ABHD5: variants seen among roughly 807,000 people sequenced by gnomAD.
ABHD5 encodes 1-acylglycerol-3-phosphate O-acyltransferase ABHD5.
A neutral mutation model predicts 44.9 loss-of-function variants in ABHD5; 30 were observed. The observed-to-expected ratio is 0.67, with a 90% CI of 0.50 to 0.91. The LOEUF (loss-of-function observed/expected upper bound fraction) is 0.91. Ranked by LOEUF, ABHD5 falls within the 40% of genes least tolerant of loss-of-function variation. The pLI is 0.00. For missense variants in ABHD5, 399 were observed against 423.4 expected, an observed-to-expected ratio of 0.94 and a Z score of 0.50; for synonymous variants, 167 against 147.0, an observed-to-expected ratio of 1.14 and a Z score of -0.99.
chr3:43,719,269 T>G lies in ABHD5; in HGVS notation c.*737T>G, dbSNP rs192696923. The G allele has an allele frequency of 6.6e-6, 1 of 152,230 alleles. No homozygotes were observed. Among genetic ancestry groups the G allele is most frequent in the African/African-American group, 2.4e-5 (1 of 41,458 alleles). The allele number at this position is 152,230 out of a possible 1,614,324, so 9.4% of individuals were successfully genotyped here. On this transcript the variant is annotated 3_prime_UTR_variant, in exon 7 of 7. Coordinates refer to ENST00000644371, the MANE Select transcript of ABHD5 (RefSeq NM_016006.6). Reference sequence around the variant, plus strand: ...TCCAAGGAACATGACTTCAATACTTTCAGTGATTCAGGTACTGAAAAGCCT... The same window carrying G: ...TCCAAGGAACATGACTTCAATACTTGCAGTGATTCAGGTACTGAAAAGCCT...
At position 43,722,202 on chromosome 3, in the gene ABHD5, G is replaced by A. The variant is rs977085859; in HGVS notation, c.*3670G>A. The A allele has an allele frequency of 6.6e-6, 1 of 152,248 alleles. No individual in the cohort carries two copies. The highest frequency in any genetic ancestry group is 6.5e-5 in the Admixed American group (1 of 15,290). 9.4% of individuals were successfully genotyped at this position (152,248 alleles called of 1,614,324 possible). Reference sequence around the variant, plus strand: ...GCCAAATCTCCATTGATAGGGAATTGATGGAAGGAACTAGGGTATATCTAT... The same window carrying A: ...GCCAAATCTCCATTGATAGGGAATTAATGGAAGGAACTAGGGTATATCTAT... On this transcript the variant is annotated 3_prime_UTR_variant, in exon 7 of 7. Coordinates refer to ENST00000644371, the MANE Select transcript of ABHD5 (RefSeq NM_016006.6).
rs1380593166 is a variant in ABHD5 at position 43,722,453 on chromosome 3, T to A, written c.*3921T>A. Reference sequence around the variant, plus strand: ...ACCAATAACTAATAAAATGATCTCCTTGTTAGTGGTGGTAGGGAGCTAGAC... The same window carrying A: ...ACCAATAACTAATAAAATGATCTCCATGTTAGTGGTGGTAGGGAGCTAGAC... On this transcript the variant is annotated 3_prime_UTR_variant, in exon 7 of 7. Coordinates refer to ENST00000644371, the MANE Select transcript of ABHD5 (RefSeq NM_016006.6). 6.6e-6 allele frequency: 1 copy of A among 152,214 alleles called. No individual in the cohort carries two copies. The highest frequency in any genetic ancestry group is 1.9e-4 in the East Asian group (1 of 5,202). 9.4% of individuals were successfully genotyped at this position (152,214 alleles called of 1,614,324 possible). A position where few individuals can be genotyped will look rare whatever the true frequency, so the allele number is the denominator to read the frequency against.
intron 7 of ABHD5, among the ~76,000 whole-genome samples, chr3:43,729,398 G>A (rs572611700): frequency 2.0e-5 from 3 of 152,092 alleles, no homozygotes; most frequent in Admixed American, 6.5e-5. Context: ...AGAGTAACAC[G>A]CATTTATGGG....
At chr3:43,692,994 G>C (rs529353500) in intron 1 of ABHD5, among the ~76,000 whole-genome samples, 1 of 152,278 alleles carries the variant, frequency 6.6e-6, no homozygotes, top group South Asian at 2.1e-4. Context: ...GTGGCACTTA[G>C]TGAAGACAGG....
At chr3:43,697,945 A>T (rs1354845145) in intron 1 of ABHD5, among the ~76,000 whole-genome samples, 1 of 152,162 alleles carries the variant, frequency 6.6e-6, no homozygotes, top group Non-Finnish European at 1.5e-5. Context: ...TGAAATGGGG[A>T]TAATTTGGAC....
chr3:43,703,265 C>T (rs776516040), intron 3 of ABHD5, among the ~76,000 whole-genome samples: 1 of 151,504 alleles, frequency 6.6e-6, no homozygotes, highest in Non-Finnish European at 1.5e-5. Context: ...CTGCAGCCTC[C>T]GCCTCCCAGG....
At chr3:43,704,507 TGTG>T (rs2084590941) in intron 3 of ABHD5, among the ~76,000 whole-genome samples, 1 of 152,164 alleles carries the variant, frequency 6.6e-6, no homozygotes, top group African/African-American at 2.4e-5. Context: ...GTGTCTGTCT[TGTG>T]GTATTTATTC....
intron 5 of ABHD5, among the ~76,000 whole-genome samples, chr3:43,716,829 G>T (rs763383093): frequency 6.6e-6 from 1 of 152,158 alleles, no homozygotes; most frequent in Non-Finnish European, 1.5e-5. Context: ...ATTGTAGTGA[G>T]ACTTGAATTC....
At chr3:43,726,880 G>A (rs916865135), downstream of ABHD5, among the ~76,000 whole-genome samples, 5 of 152,150 alleles carry the variant, frequency 3.3e-5, no homozygotes, top group Non-Finnish European at 7.4e-5. Flanking sequence ...TGTCTGACAC[G>A]GGAGTGTTCA....
chr3:43,699,568 T>C, intron 2 of ABHD5: 1 of 543,368 alleles, frequency 1.8e-6, no homozygotes, highest in Non-Finnish European at 3.3e-6. Context: ...CTTGGGCCCC[T>C]GTTATACTCT....
chr3:43,694,131 C>T (rs1204476116), intron 1 of ABHD5, among the ~76,000 whole-genome samples: 1 of 151,494 alleles, frequency 6.6e-6, no homozygotes, highest in Non-Finnish European at 1.5e-5. Flanking sequence ...AAGGTGGCGG[C>T]GCCTGTAGTC....
intron 1 of ABHD5, among the ~76,000 whole-genome samples, chr3:43,697,790 T>G (rs1023455180): frequency 6.6e-6 from 1 of 152,206 alleles, no homozygotes; most frequent in Non-Finnish European, 1.5e-5. Flanking sequence ...CTGTAGGTAA[T>G]GGGCAACCCT....
intron 6 of ABHD5, among the ~76,000 whole-genome samples, chr3:43,718,113 G>T (rs143753263): frequency 6.6e-6 from 1 of 152,284 alleles, no homozygotes; most frequent in Non-Finnish European, 1.5e-5. Flanking sequence ...TGGACAGAGG[G>T]ATTGGTCCAG....
intron 1 of ABHD5, among the ~76,000 whole-genome samples, chr3:43,696,891 G>GA (rs1216764385): frequency 1.3e-4 from 20 of 151,900 alleles, no homozygotes; most frequent in African/African-American, 4.3e-4. Context: ...TTTTCTGTTA[G>GA]AAAAAAACCC....
chr3:43,694,029 C>G (rs1023039346), intron 1 of ABHD5, among the ~76,000 whole-genome samples: 1 of 144,994 alleles, frequency 6.9e-6, no homozygotes, highest in Admixed American at 6.9e-5. Context: ...TAGTTCTGGC[C>G]GGGCGCCGTG....
intron 5 of ABHD5, among the ~76,000 whole-genome samples, chr3:43,717,130 G>A (rs1223639624): frequency 2.6e-5 from 4 of 151,506 alleles, no homozygotes; most frequent in Non-Finnish European, 2.9e-5. Flanking sequence ...GAGACTGTGC[G>A]TGCAGCTGCA....
intron 5 of ABHD5, among the ~76,000 whole-genome samples, chr3:43,716,988 T>C (rs1411646820): frequency 6.6e-6 from 1 of 152,070 alleles, no homozygotes; most frequent in Non-Finnish European, 1.5e-5. Flanking sequence ...CTGACCAACA[T>C]GGTGAAACCC....
At chr3:43,713,498 C>T (rs983580784) in intron 4 of ABHD5, among the ~76,000 whole-genome samples, 1 of 151,968 alleles carries the variant, frequency 6.6e-6, no homozygotes, top group Non-Finnish European at 1.5e-5. Context: ...CTAGTGCCTT[C>T]TGTTTGGATT....
intron 3 of ABHD5, among the ~76,000 whole-genome samples, chr3:43,703,317 T>TAC (rs1234197675): frequency 6.6e-6 from 1 of 152,066 alleles, no homozygotes; most frequent in African/African-American, 2.4e-5. Context: ...TAGCTGTGAC[T>TAC]ACAGGTGCAT....
Sources: gnomAD v4.1 joint callset for allele counts (sites outside exome capture counted in the v4.1 genomes callset) on GRCh38, gnomAD v4.1.1 for gene constraint, MANE v1.5 for transcripts, NCBI Gene and HGNC (gene_info 2026-07-23, HGNC 2026-07-21) for gene names.